MLIP: variants seen among roughly 807,000 people sequenced by gnomAD.
MLIP encodes muscular LMNA-interacting protein.
A neutral mutation model predicts 84.8 loss-of-function variants in MLIP; 79 were observed. The observed-to-expected ratio is 0.93, with a 90% CI of 0.78 to 1.12. The LOEUF (loss-of-function observed/expected upper bound fraction) is 1.12, where lower values mean the gene tolerates loss of function less well. MLIP is among the 50% of genes most tolerant of loss of function. The pLI, the probability that MLIP is intolerant of heterozygous loss-of-function variation, is 0.00. For synonymous variants in MLIP, 504 were observed against 463.0 expected, an observed-to-expected ratio of 1.09 and a Z score of -1.14; for missense variants, 1,257 against 1,160.6, an observed-to-expected ratio of 1.08 and a Z score of -1.21.
chr6:54,189,667 C>T (rs947804535), intron 9 of MLIP, among the ~76,000 whole-genome samples: 15 of 151,992 alleles, frequency 9.9e-5, no homozygotes, highest in African/African-American at 3.1e-4. Flanking sequence ...AATAAAAATA[C>T]ATAGGAAAAA....
chr6:54,162,368 G>T (rs568200145), intron 8 of MLIP, among the ~76,000 whole-genome samples: 2 of 152,156 alleles, frequency 1.3e-5, no homozygotes, highest in South Asian at 4.1e-4. Flanking sequence ...TGTCCACTGA[G>T]CTAGGGATGA....
intron 1 of MLIP, among the ~76,000 whole-genome samples, chr6:54,020,843 C>T (rs967197127): frequency 4.6e-5 from 7 of 152,082 alleles, no homozygotes; most frequent in African/African-American, 7.2e-5. Context: ...CAGAGGCATA[C>T]GAACATTCAC....
intron 12 of MLIP, among the ~76,000 whole-genome samples, chr6:54,251,208 T>A (rs1782454482): frequency 6.6e-6 from 1 of 151,734 alleles, no homozygotes; most frequent in Non-Finnish European, 1.5e-5. Flanking sequence ...CATCAATTTA[T>A]ACAAAGATAT....
chr6:54,187,194 C>T (rs1372449719), intron 9 of MLIP, among the ~76,000 whole-genome samples: 1 of 152,070 alleles, frequency 6.6e-6, no homozygotes, highest in Non-Finnish European at 1.5e-5. Flanking sequence ...GGTAACTGGT[C>T]CAGAACCTGT....
At chr6:54,240,523 A>G (rs1365167244) in intron 12 of MLIP, among the ~76,000 whole-genome samples, 1 of 152,156 alleles carries the variant, frequency 6.6e-6, no homozygotes, top group East Asian at 1.9e-4. Context: ...CATATGACAT[A>G]ATTTACGTAA....
At chr6:54,075,827 C>T (rs1766770772) in intron 1 of MLIP, among the ~76,000 whole-genome samples, 1 of 152,064 alleles carries the variant, frequency 6.6e-6, no homozygotes, top group African/African-American at 2.4e-5. Context: ...TTGCTGCCTC[C>T]AAAAAACTTC....
intron 1 of MLIP, among the ~76,000 whole-genome samples, chr6:54,053,271 G>T (rs543398055): frequency 1.4e-4 from 22 of 152,224 alleles, no homozygotes; most frequent in South Asian, 4.1e-4. Context: ...CAAAATGTCA[G>T]CTATTTCACA....
intron 1 of MLIP, among the ~76,000 whole-genome samples, chr6:54,051,361 AT>A (rs915452233): frequency 7.2e-5 from 11 of 151,952 alleles, no homozygotes; most frequent in Non-Finnish European, 1.5e-4. Flanking sequence ...TCAAATATTA[AT>A]TTTTTCTTTT....
chr6:54,093,635 T>C (rs1768012263), intron 1 of MLIP, among the ~76,000 whole-genome samples: 1 of 152,130 alleles, frequency 6.6e-6, no homozygotes, highest in Non-Finnish European at 1.5e-5. Context: ...TACAAAATGA[T>C]TTATGGCTAG....
At chr6:54,136,362 G>A (rs1214183399) in intron 3 of MLIP, among the ~76,000 whole-genome samples, 18 of 152,068 alleles carry the variant, frequency 1.2e-4, no homozygotes, top group Admixed American at 1.1e-3. Flanking sequence ...AGTGAAATTT[G>A]CAATTTATAC....
chr6:54,233,681 TG>T (rs1781167462), intron 12 of MLIP, among the ~76,000 whole-genome samples: 1 of 152,226 alleles, frequency 6.6e-6, no homozygotes, highest in South Asian at 2.1e-4. Flanking sequence ...TATAATTCTT[TG>T]GGTATATACC....
chr6:54,241,265 G>T (rs1251066439), intron 12 of MLIP, among the ~76,000 whole-genome samples: 1 of 147,012 alleles, frequency 6.8e-6, no homozygotes, highest in Non-Finnish European at 1.5e-5. Flanking sequence ...GTAAGTAAAA[G>T]GAAACACAAC....
At chr6:54,131,067 G>A (rs1771335162) in intron 3 of MLIP, among the ~76,000 whole-genome samples, 1 of 152,222 alleles carries the variant, frequency 6.6e-6, no homozygotes, top group Admixed American at 6.5e-5. Context: ...CCATGTAAGG[G>A]TGGAGAAGAA....
intron 1 of MLIP, among the ~76,000 whole-genome samples, chr6:54,113,968 C>T (rs936404270): frequency 1.2e-4 from 19 of 152,170 alleles, no homozygotes; most frequent in African/African-American, 1.9e-4. Flanking sequence ...GAGAGACTAT[C>T]GAACAGCCAA....
chr6:54,210,897 A>G lies in MLIP; in HGVS notation c.2718+8664A>G, dbSNP rs578123272. Among the ~76,000 whole-genome samples, 17 of 152,282 alleles carry G rather than the reference A, an allele frequency of 1.1e-4. No homozygotes were observed. In the South Asian group the frequency reaches 3.3e-3, roughly 30 times the overall value. On this transcript the variant is annotated intron_variant, in intron 11 of 13. Coordinates refer to ENST00000502396, the MANE Select transcript of MLIP (RefSeq NM_001281747.2). ...AAATAAAAAACTACCTTTGTTAAGT[A>G]AATAAACAGCTTACCAGGAGCTGAC...
chr6:54,212,604 A>G (rs1361213428), intron 11 of MLIP, among the ~76,000 whole-genome samples: 1 of 152,110 alleles, frequency 6.6e-6, no homozygotes, highest in Admixed American at 6.5e-5. Flanking sequence ...TGCAATTTGG[A>G]TAGAGCAATT....
chr6:54,216,862 C>T lies in MLIP; in HGVS notation c.2719-13852C>T, dbSNP rs1294455501. The T allele has an allele frequency of 7.1e-6, 7 of 985,300 alleles. No individual in the cohort carries two copies. In the South Asian group the frequency reaches 2.3e-4, roughly 33 times the overall value. The allele number at this position is 985,300 out of a possible 1,614,324, so 61.0% of individuals were successfully genotyped here. A position where few individuals can be genotyped will look rare whatever the true frequency, so the allele number is the denominator to read the frequency against. On this transcript the variant is annotated intron_variant, in intron 11 of 13. Coordinates refer to ENST00000502396, the MANE Select transcript of MLIP (RefSeq NM_001281747.2). ...ATCACAATCTCTTATTTCATAGTAACATGAGGTTTTTGTGATGCTGTCTGT... is the reference window on the plus strand; with the variant it reads ...ATCACAATCTCTTATTTCATAGTAATATGAGGTTTTTGTGATGCTGTCTGT...
intron 1 of MLIP, among the ~76,000 whole-genome samples, chr6:54,089,961 G>C (rs1251082115): frequency 6.6e-6 from 1 of 151,982 alleles, no homozygotes; most frequent in Non-Finnish European, 1.5e-5. Flanking sequence ...CTACCAATTT[G>C]TTTATTAATC....
At chr6:54,060,668 T>C (rs1466481565) in intron 1 of MLIP, among the ~76,000 whole-genome samples, 1 of 152,162 alleles carries the variant, frequency 6.6e-6, no homozygotes, top group African/African-American at 2.4e-5. Context: ...ACATTTTAAG[T>C]CAAGGGTTAC....
Sources: gnomAD v4.1 joint callset for allele counts (sites outside exome capture counted in the v4.1 genomes callset) on GRCh38, gnomAD v4.1.1 for gene constraint, MANE v1.5 for transcripts, NCBI Gene and HGNC (gene_info 2026-07-23, HGNC 2026-07-21) for gene names.